PRIM2: variants seen among roughly 807,000 people sequenced by gnomAD.
PRIM2 encodes the protein DNA primase subunit 2.
PRIM2 carries 39 observed loss-of-function variants against 67.3 expected under a neutral mutation model. The ratio of observed to expected loss-of-function variants is 0.58; its 90% confidence interval spans 0.45 to 0.76. The LOEUF (loss-of-function observed/expected upper bound fraction) is 0.76. PRIM2 is among the 30% of genes least tolerant of loss of function. The pLI is 0.00. For missense variants in PRIM2, 398 were observed against 598.7 expected (o/e 0.66, Z 3.50); for synonymous variants, 143 against 198.7 (o/e 0.72, Z 2.36).
the PRIM2 span, among the ~76,000 whole-genome samples, chr6:57,256,714 TCACACACACA>T: frequency 7.4e-6 from 1 of 134,404 alleles, no homozygotes; most frequent in African/African-American, 3.1e-5. Context: ...TCTCTCACTT[TCACACACACA>T]CACACACACA....
intron 7 of PRIM2, among the ~76,000 whole-genome samples, chr6:57,474,276 T>C: frequency 1.7e-5 from 2 of 117,680 alleles, no homozygotes; most frequent in South Asian, 5.9e-4. Context: ...CCGGGGTTCA[T>C]GCCATTCTCC....
intron 12 of PRIM2, among the ~76,000 whole-genome samples, chr6:57,617,784 G>A (rs1278045204): frequency 6.6e-6 from 1 of 152,096 alleles, no homozygotes; most frequent in East Asian, 1.9e-4. Flanking sequence ...TTTGTTACTT[G>A]TGCTTTTAGT....
rs1197799237 is a variant in PRIM2 at position 57,591,720 on chromosome 6, C to T, written c.1021-9373C>T. Among the ~76,000 whole-genome samples the T allele has an allele frequency of 6.6e-5, 10 of 152,094 alleles. No individual in the cohort carries two copies. The South Asian group carries it at 1.0e-3, about 16-fold the overall frequency. On this transcript the variant is annotated intron_variant, in intron 10 of 13. Coordinates refer to ENST00000615550, the MANE Select transcript of PRIM2 (RefSeq NM_000947.5). Reference sequence around the variant, plus strand: ...AAAGGGAATCCTTACACACTACTGGCGAGAATGCAAATCAGTTCAGCCCCT... The same window carrying T: ...AAAGGGAATCCTTACACACTACTGGTGAGAATGCAAATCAGTTCAGCCCCT...
chr6:57,567,852 T>G (rs1775774258), intron 10 of PRIM2, among the ~76,000 whole-genome samples: 1 of 152,176 alleles, frequency 6.6e-6, no homozygotes, highest in Non-Finnish European at 1.5e-5. Context: ...GCAAGCAAAA[T>G]CATATTTTTC....
the PRIM2 span, among the ~76,000 whole-genome samples, chr6:57,301,278 G>A: frequency 3.3e-5 from 5 of 152,058 alleles, no homozygotes; most frequent in South Asian, 1.0e-3. Flanking sequence ...ACCTGAGGTC[G>A]GGAGTTTGAG....
At chr6:57,444,098 C>T (rs1772288678) in intron 7 of PRIM2, among the ~76,000 whole-genome samples, 1 of 152,096 alleles carries the variant, frequency 6.6e-6, no homozygotes, top group Non-Finnish European at 1.5e-5. Context: ...TATTTCTGGG[C>T]TCTGTATTTG....
the PRIM2 span, among the ~76,000 whole-genome samples, chr6:57,238,870 A>G: frequency 3.0e-4 from 45 of 152,362 alleles, no homozygotes; most frequent in African/African-American, 1.1e-3. Context: ...ACAGCCTTGA[A>G]TAACTCTTCT....
chr6:57,242,483 T>C, the PRIM2 span, among the ~76,000 whole-genome samples: 1 of 152,182 alleles, frequency 6.6e-6, no homozygotes, highest in Admixed American at 6.5e-5. Context: ...GTTTTGTGGC[T>C]AAAAAATGGA....
the PRIM2 span, among the ~76,000 whole-genome samples, chr6:57,265,503 A>T: frequency 1.2e-4 from 19 of 152,328 alleles, no homozygotes; most frequent in Non-Finnish European, 2.5e-4. Flanking sequence ...ATTTTTCCAT[A>T]CACTTTGGTT....
At chr6:57,276,736 A>G in the PRIM2 span, among the ~76,000 whole-genome samples, 2 of 151,764 alleles carry the variant, frequency 1.3e-5, no homozygotes, top group Non-Finnish European at 2.9e-5. Flanking sequence ...CTAAAAAAAG[A>G]AAATAGAAAA....
At chr6:57,489,328 A>G (rs1773826729) in intron 7 of PRIM2, among the ~76,000 whole-genome samples, 1 of 152,202 alleles carries the variant, frequency 6.6e-6, no homozygotes, top group Non-Finnish European at 1.5e-5. Flanking sequence ...AGGCCAGCGC[A>G]GGCAGATCAT....
the PRIM2 span, among the ~76,000 whole-genome samples, chr6:57,269,136 TG>T: frequency 6.6e-6 from 1 of 152,092 alleles, no homozygotes; most frequent in African/African-American, 2.4e-5. Flanking sequence ...TACAGTCCTT[TG>T]GGTATATACC....
intron 7 of PRIM2, among the ~76,000 whole-genome samples, chr6:57,430,440 T>C (rs1290389262): frequency 5.0e-5 from 7 of 139,284 alleles, no homozygotes; most frequent in Non-Finnish European, 9.0e-5. Flanking sequence ...TAGGAGTTTC[T>C]TTCTTTGTTT....
intron 12 of PRIM2, among the ~76,000 whole-genome samples, chr6:57,612,110 G>T (rs1776677054): frequency 6.6e-6 from 1 of 152,198 alleles, no homozygotes; most frequent in Non-Finnish European, 1.5e-5. Context: ...GATGCAGAGT[G>T]ACTGAAAGTC....
intron 12 of PRIM2, among the ~76,000 whole-genome samples, chr6:57,621,983 C>T (rs1246444668): frequency 3.0e-4 from 45 of 152,036 alleles, no homozygotes; most frequent in African/African-American, 1.1e-3. Context: ...TGGAGTCTCA[C>T]TCTGTCGCCC....
intron 7 of PRIM2, among the ~76,000 whole-genome samples, chr6:57,483,366 T>C (rs1773675206): frequency 6.6e-6 from 1 of 152,172 alleles, no homozygotes. Context: ...ATTAACAATA[T>C]GTCTTATAGT....
the PRIM2 span, among the ~76,000 whole-genome samples, chr6:57,309,274 A>G: frequency 9.2e-5 from 13 of 141,526 alleles, no homozygotes; most frequent in East Asian, 1.3e-3. Flanking sequence ...ATATCTCCCA[A>G]TGCTATCCCT....
At chr6:57,591,613 T>A (rs1263582872) in intron 10 of PRIM2, among the ~76,000 whole-genome samples, 1 of 152,074 alleles carries the variant, frequency 6.6e-6, no homozygotes, top group Non-Finnish European at 1.5e-5. Flanking sequence ...AAAAGAAGGT[T>A]AAAATGTCCT....
At chr6:57,617,773 T>C (rs1205953756) in intron 12 of PRIM2, among the ~76,000 whole-genome samples, 4 of 152,174 alleles carry the variant, frequency 2.6e-5, no homozygotes, top group African/African-American at 9.6e-5. Context: ...GTTTGTTTTC[T>C]TTTGTTACTT....
Sources: allele counts gnomAD v4.1 joint callset (sites outside exome capture counted in the v4.1 genomes callset), GRCh38; gene constraint gnomAD v4.1.1; transcripts MANE v1.5; gene names NCBI Gene and HGNC (gene_info 2026-07-23, HGNC 2026-07-21).